The following GRM7 variants were observed in gnomAD, a reference collection of about 807,000 sequenced individuals.
GRM7 encodes glutamate metabotropic receptor 7, also known as metabotropic glutamate receptor 7.
In GRM7, 35 loss-of-function variants were observed where a neutral mutation model predicts 84.5. The observed-to-expected ratio is 0.41, with a 90% CI of 0.32 to 0.55. The LOEUF is 0.55. Among genes scored for constraint, GRM7 ranks in the 20% least tolerant of loss-of-function variants. GRM7 has a pLI of 0.19. For missense variants in GRM7, 1,003 were observed against 1,194.6 expected (o/e 0.84, Z 2.36); for synonymous variants, 487 against 455.1 (o/e 1.07, Z -0.89).
chr3:7,403,537 C>G (rs1695540877), intron 4 of GRM7, among the ~76,000 whole-genome samples: 1 of 148,158 alleles, frequency 6.7e-6, no homozygotes, highest in Non-Finnish European at 1.5e-5. Flanking sequence ...AGAATGGCAA[C>G]AAGATTCGGT....
chr3:7,343,253 A>C lies in GRM7; in HGVS notation c.1033+36601A>C, dbSNP rs1692728283. 1.3e-5 allele frequency among the ~76,000 whole-genome samples: 2 copies of C among 152,018 alleles called. 1 individual carries two copies. The highest frequency in any genetic ancestry group is 4.1e-4 in the South Asian group (2 of 4,822). On this transcript the variant is annotated intron_variant, in intron 4 of 9. Transcript: ENST00000357716. ...TTTTTTCTTCTTCTTCTTCTTTCTG[A>C]GACAGTGTCTCACTCTGTTGCCCAG... is the stretch of plus-strand genomic sequence containing the variant.
At chr3:7,132,771 G>A (rs557340354) in intron 1 of GRM7, among the ~76,000 whole-genome samples, 75 of 152,278 alleles carry the variant, frequency 4.9e-4, no homozygotes, top group Admixed American at 1.4e-3. Flanking sequence ...CTTGCTTGAC[G>A]CTGAAAGTGG....
intron 7 of GRM7, among the ~76,000 whole-genome samples, chr3:7,550,613 G>A (rs1445643291): frequency 2.3e-5 from 3 of 133,314 alleles, no homozygotes; most frequent in African/African-American, 5.4e-5. Flanking sequence ...GTGTGTGTGT[G>A]TGTGTATTTT....
intron 5 of GRM7, among the ~76,000 whole-genome samples, chr3:7,419,981 G>A (rs975006751): frequency 3.3e-5 from 5 of 152,140 alleles, no homozygotes; most frequent in South Asian, 2.1e-4. Flanking sequence ...GCTAAAGAGC[G>A]TACTCTGATA....
At chr3:7,482,285 G>A (rs899163279) in intron 7 of GRM7, among the ~76,000 whole-genome samples, 5 of 152,120 alleles carry the variant, frequency 3.3e-5, no homozygotes, top group East Asian at 1.9e-4. Flanking sequence ...GATTACATGC[G>A]TCTCAATCCC....
At chr3:7,603,912 C>T (rs1450748731) in intron 8 of GRM7, among the ~76,000 whole-genome samples, 13 of 152,062 alleles carry the variant, frequency 8.5e-5, no homozygotes, top group Admixed American at 6.6e-4. Context: ...GAATAAAGAA[C>T]GCTGAAATGG....
chr3:7,182,461 T>G (rs1269262693), intron 2 of GRM7, among the ~76,000 whole-genome samples: 1 of 152,176 alleles, frequency 6.6e-6, no homozygotes, highest in East Asian at 1.9e-4. Flanking sequence ...CCTTAGTTTC[T>G]TTTTTTAACT....
At chr3:7,135,688 TA>T (rs145336581) in intron 1 of GRM7, among the ~76,000 whole-genome samples, 4,342 of 150,924 alleles carry the variant, frequency 0.029, 162 homozygotes, top group African/African-American at 0.087. Flanking sequence ...GAATATAATA[TA>T]AAAAAATATA....
At chr3:7,535,787 C>T (rs1701218440) in intron 7 of GRM7, among the ~76,000 whole-genome samples, 1 of 152,176 alleles carries the variant, frequency 6.6e-6, no homozygotes, top group Non-Finnish European at 1.5e-5. Context: ...ACCCAAGCTA[C>T]AGAGTCCAAA....
chr3:7,714,580 C>A (rs949865568), intron 9 of GRM7, among the ~76,000 whole-genome samples: 1 of 152,150 alleles, frequency 6.6e-6, no homozygotes, highest in African/African-American at 2.4e-5. Flanking sequence ...CTAGCAAGAT[C>A]CCCAGGTGAT....
intron 1 of GRM7, among the ~76,000 whole-genome samples, chr3:6,999,883 A>G (rs969286823): frequency 6.6e-6 from 1 of 152,218 alleles, no homozygotes; most frequent in African/African-American, 2.4e-5. Context: ...TCAAGATGAG[A>G]TTTGTGTGGG....
chr3:7,070,580 A>G (rs1697835365), intron 1 of GRM7, among the ~76,000 whole-genome samples: 1 of 152,094 alleles, frequency 6.6e-6, no homozygotes, highest in Admixed American at 6.6e-5. Context: ...GATTTGATGG[A>G]AATATCCGGA....
chr3:7,428,981 T>G (rs1348455897), intron 5 of GRM7, among the ~76,000 whole-genome samples: 1 of 152,204 alleles, frequency 6.6e-6, no homozygotes, highest in Non-Finnish European at 1.5e-5. Flanking sequence ...AGCTCTTGCT[T>G]CTTCTTTTTG....
At chr3:7,570,187 A>AT (rs1694576343) in intron 7 of GRM7, among the ~76,000 whole-genome samples, 1 of 152,110 alleles carries the variant, frequency 6.6e-6, no homozygotes, top group Non-Finnish European at 1.5e-5. Flanking sequence ...AAACCATATC[A>AT]TTCCACCCCT....
At chr3:7,241,181 G>A (rs77437663) in intron 2 of GRM7, among the ~76,000 whole-genome samples, 3,435 of 152,268 alleles carry the variant, frequency 0.023, 73 homozygotes, top group African/African-American at 0.056. Context: ...GACCTCAAAT[G>A]TGAGGCAGCC....
chr3:7,326,790 C>A (rs1017269835), intron 4 of GRM7, among the ~76,000 whole-genome samples: 20 of 150,908 alleles, frequency 1.3e-4, no homozygotes, highest in African/African-American at 4.4e-4. Context: ...GCCGAGATCA[C>A]GCCATTGCAC....
chr3:7,057,500 T>C (rs1697270339), intron 1 of GRM7, among the ~76,000 whole-genome samples: 1 of 151,958 alleles, frequency 6.6e-6, no homozygotes, highest in African/African-American at 2.4e-5. Flanking sequence ...TTCATCTGAA[T>C]CTCAGATAAA....
At chr3:7,713,114 A>ATTTTTTTTTTT (rs1165234212) in intron 9 of GRM7, among the ~76,000 whole-genome samples, 2 of 129,854 alleles carry the variant, frequency 1.5e-5, no homozygotes, top group East Asian at 2.2e-4. Flanking sequence ...GAGGATTCGA[A>ATTTTTTTTTTT]TTTTGTTTTG....
chr3:6,996,303 C>G (rs1694828757), intron 1 of GRM7, among the ~76,000 whole-genome samples: 1 of 152,196 alleles, frequency 6.6e-6, no homozygotes. Flanking sequence ...CTGCTTCGGT[C>G]TCCCAAAGTG....
Sources: allele counts gnomAD v4.1 joint callset (sites outside exome capture counted in the v4.1 genomes callset), GRCh38; gene constraint gnomAD v4.1.1; transcripts MANE v1.5; gene names NCBI Gene and HGNC (gene_info 2026-07-23, HGNC 2026-07-21).